Variants in RP1 observed in about 807,000 individuals in gnomAD.
RP1 encodes oxygen-regulated protein 1.
Under a neutral mutation model 14.8 loss-of-function variants are expected in RP1, and 16 were observed. That is an observed-to-expected ratio of 1.08 (90% CI 0.73 to 1.65). The LOEUF (loss-of-function observed/expected upper bound fraction) is 1.65. Among genes scored for constraint, RP1 ranks in the 40% most tolerant of loss-of-function variants. The probability of loss-of-function intolerance (pLI) is 0.00; values close to 1 mark genes in which losing one functional copy is unlikely to be tolerated. For missense variants in RP1, 2,631 were observed against 2,535.0 expected, an observed-to-expected ratio of 1.04 and a Z score of -0.81; for synonymous variants, 876 against 883.6, an observed-to-expected ratio of 0.99 and a Z score of 0.15.
intron 12 of RP1, among the ~76,000 whole-genome samples, chr8:54,681,490 GT>G (rs2129335852): frequency 6.7e-6 from 1 of 148,200 alleles, no homozygotes; most frequent in South Asian, 2.1e-4. Flanking sequence ...ATTTGTGTGT[GT>G]GTGTGTGTGT....
At chr8:54,614,074 T>A (rs1162312059), upstream of RP1, among the ~76,000 whole-genome samples, 1 of 152,254 alleles carries the variant, frequency 6.6e-6, no homozygotes, top group Non-Finnish European at 1.5e-5. Context: ...AATGAGCCTA[T>A]AAAGCAGGTA....
intron 22 of RP1, chr8:54,769,707 C>T (rs1223052797): frequency 7.4e-7 from 1 of 1,343,246 alleles, no homozygotes; most frequent in South Asian, 1.3e-5. Flanking sequence ...ATTTTCTCCT[C>T]TCTCTTTCTT....
At chr8:54,577,464 GA>G (rs1804686984) in intron 1 of RP1, among the ~76,000 whole-genome samples, 1 of 152,164 alleles carries the variant, frequency 6.6e-6, no homozygotes, top group Admixed American at 6.5e-5. Flanking sequence ...GCTAAAAAAA[GA>G]ATATGCCTTC....
At chr8:54,808,566 C>A (rs796735868) in intron 24 of RP1, among the ~76,000 whole-genome samples, 8 of 152,350 alleles carry the variant, frequency 5.3e-5, no homozygotes, top group African/African-American at 1.9e-4. Flanking sequence ...TTGGAATACC[C>A]AGCTAGTTGT....
At chr8:54,675,440 A>G (rs1042687406) in intron 8 of RP1, among the ~76,000 whole-genome samples, 3 of 152,140 alleles carry the variant, frequency 2.0e-5, no homozygotes, top group African/African-American at 7.2e-5. Context: ...TATGTCTCAG[A>G]TTTTGGTAGG....
chr8:54,869,731 C>G (rs1454072013), intron 28 of RP1: 1 of 419,204 alleles, frequency 2.4e-6, no homozygotes, highest in East Asian at 3.6e-5. Context: ...AAATTCTGAT[C>G]TCTCTAAAGG....
rs755125311 is a variant in RP1 at position 54,627,779 on chromosome 8, A to G, written c.3897A>G (p.Leu1299=). The G allele has an allele frequency of 1.9e-6, 3 of 1,614,174 alleles. No individual in the cohort carries two copies. Among genetic ancestry groups the G allele is most frequent in the East Asian group, 4.5e-5 (2 of 44,890 alleles). The change falls in exon 4 of 4, where the codon CTA becomes CTG. Residue 1299 remains leucine, a synonymous_variant. Coordinates refer to ENST00000220676, the MANE Select transcript of RP1 (RefSeq NM_006269.2). ...CTTCTATGAATAAGGCTTGTTTCCTAGGAGAGGTCTGTTCACTTACTGATA... is the reference window on the plus strand; with the variant it reads ...CTTCTATGAATAAGGCTTGTTTCCTGGGAGAGGTCTGTTCACTTACTGATA... ...DQTSMNKACF[L]GEVCSLTDTV... is the part of the protein sequence containing the mutation.
At chr8:54,637,058 G>A (rs982856311) in intron 3 of RP1, among the ~76,000 whole-genome samples, 4 of 152,162 alleles carry the variant, frequency 2.6e-5, no homozygotes, top group Non-Finnish European at 5.9e-5. Flanking sequence ...GCATGGTGTA[G>A]CATAGCATTA....
intron 1 of RP1, among the ~76,000 whole-genome samples, chr8:54,617,468 G>A (rs1294261362): frequency 1.3e-5 from 2 of 152,224 alleles, no homozygotes; most frequent in Non-Finnish European, 2.9e-5. Flanking sequence ...AAAACGTTAT[G>A]GAGGGCTGGT....
intron 1 of RP1, among the ~76,000 whole-genome samples, chr8:54,609,275 A>G (rs767538325): frequency 6.6e-6 from 1 of 151,936 alleles, no homozygotes; most frequent in Non-Finnish European, 1.5e-5. Flanking sequence ...AGTCAGGGAA[A>G]CAAAGTGAGA....
intron 25 of RP1, among the ~76,000 whole-genome samples, chr8:54,840,083 G>A (rs1012295916): frequency 2.0e-5 from 3 of 151,890 alleles, no homozygotes; most frequent in Non-Finnish European, 4.4e-5. Flanking sequence ...GCATGTCTCA[G>A]GACCTATCTA....
At chr8:54,772,324 C>A (rs1809929309), downstream of RP1, among the ~76,000 whole-genome samples, 1 of 151,836 alleles carries the variant, frequency 6.6e-6, no homozygotes, top group Admixed American at 6.6e-5. Context: ...ACATAATAAA[C>A]CCCCTCACTA....
chr8:54,849,791 G>A (rs926197218), intron 25 of RP1, among the ~76,000 whole-genome samples: 2 of 152,166 alleles, frequency 1.3e-5, no homozygotes, highest in South Asian at 2.1e-4. Flanking sequence ...TAAACATGCT[G>A]AGCTTTGATA....
intron 17 of RP1, among the ~76,000 whole-genome samples, chr8:54,729,401 C>T (rs1012040081): frequency 6.6e-6 from 1 of 152,030 alleles, no homozygotes; most frequent in South Asian, 2.1e-4. Context: ...TGTTTAGGTG[C>T]CAATACTTTA....
At chr8:54,858,215 G>C (rs763131540) in intron 27 of RP1, among the ~76,000 whole-genome samples, 95 of 152,292 alleles carry the variant, frequency 6.2e-4, no homozygotes, top group Non-Finnish European at 9.7e-4. Flanking sequence ...AAGCAGAAAA[G>C]GTGAGGTAGC....
intron 12 of RP1, among the ~76,000 whole-genome samples, chr8:54,693,099 G>T (rs535435818): frequency 1.3e-5 from 2 of 152,038 alleles, no homozygotes; most frequent in Admixed American, 6.6e-5. Flanking sequence ...GCTTGTTTTT[G>T]TCAGGTTTGT....
chr8:54,766,957 A>C (rs117885804), intron 22 of RP1, among the ~76,000 whole-genome samples: 2,688 of 152,222 alleles, frequency 0.018, 42 homozygotes, highest in Non-Finnish European at 0.028. Flanking sequence ...ACACTGCTCC[A>C]ATTCTCCCAT....
At chr8:54,699,864 G>GA (rs1190617591) in intron 13 of RP1, among the ~76,000 whole-genome samples, 15 of 152,128 alleles carry the variant, frequency 9.9e-5, no homozygotes, top group African/African-American at 1.4e-4. Context: ...TATTGTTGGA[G>GA]AAAAAACAAT....
intron 24 of RP1, among the ~76,000 whole-genome samples, chr8:54,801,986 G>GA (rs1563380609): frequency 6.6e-6 from 1 of 152,156 alleles, no homozygotes; most frequent in Non-Finnish European, 1.5e-5. Flanking sequence ...TGAATATTTA[G>GA]ATGGGTAGTC....
Sources: allele counts gnomAD v4.1 joint callset (sites outside exome capture counted in the v4.1 genomes callset), GRCh38; gene constraint gnomAD v4.1.1; transcripts MANE v1.5; gene names NCBI Gene and HGNC (gene_info 2026-07-23, HGNC 2026-07-21).